FAT4: variants seen among roughly 807,000 people sequenced by gnomAD.
FAT4 encodes FAT atypical cadherin 4, also known as protocadherin Fat 4.
In FAT4, 84 loss-of-function variants were observed where a neutral mutation model predicts 303.9. That is an observed-to-expected ratio of 0.28 (90% confidence interval 0.23 to 0.33). FAT4 has a LOEUF of 0.33. FAT4 is among the 10% of genes least tolerant of loss of function. The pLI, the probability that FAT4 is intolerant of heterozygous loss-of-function variation, is 1.00. For synonymous variants in FAT4, 2,307 were observed against 2,298.8 expected, an observed-to-expected ratio of 1.00 and a Z score of -0.10; for missense variants, 6,005 against 6,146.8, an observed-to-expected ratio of 0.98 and a Z score of 0.77.
chr4:125,371,148 C>A (rs1207869659), intron 2 of FAT4, among the ~76,000 whole-genome samples: 1,498 of 96,952 alleles, frequency 0.015, no homozygotes, highest in East Asian at 0.021. Context: ...AACTCCATCT[C>A]AAAAAAAAAA....
chr4:125,491,011 C>T lies in FAT4; in HGVS notation c.14195C>T (p.Thr4732Ile). The T allele has an allele frequency of 6.2e-7, 1 of 1,614,162 alleles. No individual in the cohort carries two copies. Among genetic ancestry groups the T allele is most frequent in the Non-Finnish European group, 8.5e-7 (1 of 1,180,026 alleles). The change falls in exon 18 of 18, where the codon ACT (threonine) becomes ATT (isoleucine). Residue 4732 changes from threonine (T) to isoleucine (I), a missense_variant. Transcript: ENST00000394329. The part of the protein sequence containing the change: ...ELHLPIRDGN[T>I]LEMHGDTCQP... ...CATCTTCCTATAAGGGATGGTAATA[C>T]TTTGGAAATGCATGGTGACACCTGC...
Position 125,316,686 on chromosome 4 carries a change from C to T in FAT4, c.275C>T (p.Thr92Ile). The change falls in exon 2 of 18, where the codon ACC (threonine) becomes ATC (isoleucine). Residue 92 changes from threonine (T) to isoleucine (I), a missense_variant. By Grantham distance (89) the Thr-to-Ile change is moderately conservative (BLOSUM62 -1). Coordinates refer to ENST00000394329, the MANE Select transcript of FAT4 (RefSeq NM_001291303.3). This position sits in a 1 kb window ranked among gnomAD's most constrained non-coding sequence, Gnocchi z 5.7. Reference protein sequence around the residue: ...AINSSTGALYTTSTIDRESLP... With the variant: ...AINSSTGALYITSTIDRESLP... ...AACAGTAGCACCGGAGCCCTGTACA[C>T]CACCTCCACCATCGACCGCGAGAGC... The T allele has an allele frequency of 6.2e-7, 1 of 1,613,670 alleles. No individual in the cohort carries two copies. Among genetic ancestry groups the T allele is most frequent in the Non-Finnish European group, 8.5e-7 (1 of 1,180,036 alleles).
chr4:125,349,120 C>G (rs763126698), intron 2 of FAT4, among the ~76,000 whole-genome samples: 9 of 151,626 alleles, frequency 5.9e-5, no homozygotes, highest in Non-Finnish European at 1.3e-4. Context: ...AATTAGGACT[C>G]TTAAGTCTAT....
At chr4:125,378,444 A>G (rs947249055) in intron 2 of FAT4, among the ~76,000 whole-genome samples, 2 of 152,118 alleles carry the variant, frequency 1.3e-5, no homozygotes, top group Non-Finnish European at 2.9e-5. Context: ...CATATCAACC[A>G]TTGTTTATAT....
intron 2 of FAT4, among the ~76,000 whole-genome samples, chr4:125,326,871 A>G (rs1731178322): frequency 6.6e-6 from 1 of 152,118 alleles, no homozygotes; most frequent in Admixed American, 6.5e-5. Context: ...CTAAAAATAC[A>G]AAAATTTGCC....
intron 2 of FAT4, among the ~76,000 whole-genome samples, chr4:125,329,896 G>T (rs904939407): frequency 2.6e-5 from 4 of 152,032 alleles, no homozygotes; most frequent in African/African-American, 9.7e-5. Flanking sequence ...CAACCTTTCA[G>T]TTGATCTTGT....
intron 2 of FAT4, among the ~76,000 whole-genome samples, chr4:125,387,242 T>C (rs1420897761): frequency 2.0e-5 from 3 of 152,316 alleles, no homozygotes; most frequent in East Asian, 1.9e-4. Context: ...AAGGTTTGTG[T>C]CTTTTGCATC....
chr4:125,347,800 A>G (rs1290611313), intron 2 of FAT4, among the ~76,000 whole-genome samples: 2 of 151,872 alleles, frequency 1.3e-5, no homozygotes, highest in Non-Finnish European at 2.9e-5. Context: ...AAGACTTTAT[A>G]GTAGGACCTC....
At chr4:125,397,467 G>C (rs1378651180) in intron 2 of FAT4, among the ~76,000 whole-genome samples, 1 of 151,984 alleles carries the variant, frequency 6.6e-6, no homozygotes, top group East Asian at 1.9e-4. Flanking sequence ...AAATGGTGTC[G>C]AGAATGGTTG....
chr4:125,385,818 A>G (rs939097884), intron 2 of FAT4, among the ~76,000 whole-genome samples: 2 of 152,194 alleles, frequency 1.3e-5, no homozygotes, highest in Admixed American at 6.5e-5. Flanking sequence ...CTTAAAAGTC[A>G]ATTTTTAAAA....
At chr4:125,386,552 G>A (rs1342958974) in intron 2 of FAT4, among the ~76,000 whole-genome samples, 2 of 152,298 alleles carry the variant, frequency 1.3e-5, no homozygotes, top group South Asian at 2.1e-4. Flanking sequence ...TTATAGGTGT[G>A]AGCCACTGCA....
At chr4:125,481,264 T>C (rs879166249) in intron 15 of FAT4, among the ~76,000 whole-genome samples, 1 of 152,216 alleles carries the variant, frequency 6.6e-6, no homozygotes, top group East Asian at 1.9e-4. Context: ...GCAAATAGTT[T>C]AGTAAAATAT....
At chr4:125,411,355 G>A (rs1044158948) in intron 5 of FAT4, among the ~76,000 whole-genome samples, 5 of 151,866 alleles carry the variant, frequency 3.3e-5, no homozygotes, top group Non-Finnish European at 7.4e-5. Context: ...GGAGCATCAC[G>A]GAAATATTCT....
chr4:125,321,681 T>G, intron 2 of FAT4, 95 bp downstream of exon 2: 1 of 1,242,264 alleles, frequency 8.0e-7, no homozygotes, highest in Admixed American at 2.8e-5. Flanking sequence ...ACCTTCATTG[T>G]TTATTGTTAA....
intron 10 of FAT4, among the ~76,000 whole-genome samples, chr4:125,453,043 C>G (rs955236788): frequency 6.6e-6 from 1 of 152,044 alleles, no homozygotes; most frequent in Non-Finnish European, 1.5e-5. Flanking sequence ...TTTCTATAGG[C>G]AAGGAAGTTG....
chr4:125,353,865 G>T (rs957019712), intron 2 of FAT4, among the ~76,000 whole-genome samples: 1 of 151,514 alleles, frequency 6.6e-6, no homozygotes, highest in African/African-American at 2.4e-5. Context: ...AATTTGCAAA[G>T]CCATAATGAT....
intron 8 of FAT4, among the ~76,000 whole-genome samples, chr4:125,435,298 G>A (rs1203520340): frequency 6.6e-6 from 1 of 152,070 alleles, no homozygotes; most frequent in Non-Finnish European, 1.5e-5. Context: ...GATTTCCAAA[G>A]GTTCTAGAGA....
chr4:125,404,554 T>C (rs182174370), intron 3 of FAT4, among the ~76,000 whole-genome samples: 23 of 152,256 alleles, frequency 1.5e-4, no homozygotes, highest in Admixed American at 1.3e-3. Context: ...TTTGATACGC[T>C]TTTATTTTTA....
Position 125,455,978 on chromosome 4 carries a change from A to G in FAT4, c.11800+3168A>G, listed in dbSNP as rs372207228. Among the ~76,000 whole-genome samples, 124 of 152,304 alleles carry G rather than the reference A, an allele frequency of 8.1e-4. 1 individual carries two copies. Among genetic ancestry groups the G allele is most frequent in the African/African-American group, 2.8e-3 (115 of 41,592 alleles). On this transcript the variant is annotated intron_variant, in intron 10 of 17. Transcript: ENST00000394329. The stretch of plus-strand genomic sequence containing the variant: ...CAATAAAGACATGGCAGGCATTGCA[A>G]GACACCGCTGCTGATCCTCTTGCCC...
Sources: allele counts gnomAD v4.1 joint callset (sites outside exome capture counted in the v4.1 genomes callset), GRCh38; gene constraint gnomAD v4.1.1; non-coding constraint Gnocchi (gnomAD v3.1); transcripts MANE v1.5; gene names NCBI Gene and HGNC (gene_info 2026-07-23, HGNC 2026-07-21).